ZNF107: variants seen among roughly 807,000 people sequenced by gnomAD.
The protein encoded by ZNF107 is zinc finger protein 107.
ZNF107 carries 19 observed loss-of-function variants against 12.3 expected under a neutral mutation model. The ratio of observed to expected loss-of-function variants is 1.55; its 90% CI spans 1.08 to 2.27. ZNF107 has a LOEUF of 2.27. Ranked by LOEUF, ZNF107 falls within the 30% of genes most tolerant of loss-of-function variation. The pLI is 0.00. For missense variants in ZNF107, 958 were observed against 979.9 expected (o/e 0.98, Z 0.30); for synonymous variants, 317 against 330.5 (o/e 0.96, Z 0.44).
chr7:64,686,068 T>G (rs1250417625), intron 1 of ZNF107, among the ~76,000 whole-genome samples: 1 of 151,974 alleles, frequency 6.6e-6, no homozygotes, highest in Non-Finnish European at 1.5e-5. Flanking sequence ...CCAAATAGAC[T>G]CCTTAGCAGC....
In ZNF107 at chr7:64,707,339, A is replaced by T. The variant is rs772301301; in HGVS notation, c.1242A>T (p.Arg414Ser). ...KVFNQFSTLT[R>S]HKIIHTGEKP... ...TTAACCAGTTCTCAACTCTTACTAG[A>T]CATAAGATAATTCATACTGGAGAGA... Residue 414 changes from arginine (R) to serine (S), a missense_variant, in exon 4 of 4, where the codon AGA (arginine) becomes AGT (serine). By Grantham distance (110) the Arg-to-Ser change is moderately radical. Coordinates refer to ENST00000620827, the MANE Select transcript of ZNF107 (RefSeq NM_001282359.2). The T allele has an allele frequency of 2.5e-6, 4 of 1,613,088 alleles. No homozygotes were observed. The highest frequency in any genetic ancestry group is 1.3e-5 in the African/African-American group (1 of 74,872).
intron 3 of ZNF107, among the ~76,000 whole-genome samples, chr7:64,699,253 C>G (rs915295831): frequency 3.9e-5 from 6 of 151,978 alleles, no homozygotes; most frequent in Admixed American, 3.9e-4. Flanking sequence ...ATATTGACAT[C>G]TTTTAAAAAT....
intron 1 of ZNF107, among the ~76,000 whole-genome samples, chr7:64,682,689 C>T (rs1262332360): frequency 2.0e-5 from 3 of 152,162 alleles, no homozygotes; most frequent in Non-Finnish European, 2.9e-5. Flanking sequence ...TGCCCTAATA[C>T]TCCTAGAATC....
rs1173674091 is a variant in ZNF107, at chr7:64,709,540, A to G, written c.*884A>G. On this transcript the variant is annotated 3_prime_UTR_variant, in exon 4 of 4. Transcript: ENST00000620827. ...ACTGGTGAAAAATCCTAGAAATGTG[A>G]AAAATATCACAAAGCCTTTAAATGG... is the stretch of plus-strand genomic sequence containing the variant. The G allele has an allele frequency of 2.7e-6, 1 of 371,192 alleles. No individual in the cohort carries two copies. The highest frequency in any genetic ancestry group is 5.2e-6 in the Non-Finnish European group (1 of 192,514). The allele number at this position is 371,192 out of a possible 1,614,324, so 23.0% of individuals were successfully genotyped here.
At chr7:64,671,824 C>G (rs539708313) in intron 1 of ZNF107, among the ~76,000 whole-genome samples, 5 of 148,230 alleles carry the variant, frequency 3.4e-5, no homozygotes, top group African/African-American at 1.2e-4. Flanking sequence ...CTCTGTTGCC[C>G]AGGCTGGAGT....
intron 1 of ZNF107, among the ~76,000 whole-genome samples, chr7:64,670,392 C>G (rs1789176209): frequency 6.6e-6 from 1 of 151,854 alleles, no homozygotes; most frequent in South Asian, 2.1e-4. Context: ...CTGAAGTCAT[C>G]AAGTCTTTAG....
chr7:64,667,756 T>TC (rs2128954609), intron 1 of ZNF107, among the ~76,000 whole-genome samples: 1 of 152,318 alleles, frequency 6.6e-6, no homozygotes, highest in East Asian at 1.9e-4. Context: ...GAGAGGAATC[T>TC]CCTGGTATAC....
rs927453358 is a variant in ZNF107 at position 64,708,347 on chromosome 7, A to C, written c.2250A>C (p.Ala750=). 1 of 1,613,384 alleles carries C rather than the reference A, an allele frequency of 6.2e-7. No homozygotes were observed. Among genetic ancestry groups the C allele is most frequent in the Non-Finnish European group, 8.5e-7 (1 of 1,179,784 alleles). The change falls in exon 4 of 4, where the codon GCA becomes GCC. Residue 750 remains alanine, a synonymous_variant. Transcript: ENST00000620827. ...KAFNLSSTLT[A]HKKIHTGEKP... is the part of the protein sequence containing the mutation. Reference sequence around the variant, plus strand: ...TTAACCTATCCTCAACCCTTACTGCACATAAGAAAATTCATACTGGAGAGA... The same window carrying C: ...TTAACCTATCCTCAACCCTTACTGCCCATAAGAAAATTCATACTGGAGAGA...
chr7:64,668,500 T>C (rs1464880210), intron 1 of ZNF107, among the ~76,000 whole-genome samples: 1 of 151,834 alleles, frequency 6.6e-6, no homozygotes, highest in East Asian at 1.9e-4. Context: ...TGTTTTCTAA[T>C]CAGCCCCGCC....
At chr7:64,667,410 C>T (rs1789044082) in intron 1 of ZNF107, among the ~76,000 whole-genome samples, 1 of 152,120 alleles carries the variant, frequency 6.6e-6, no homozygotes, top group South Asian at 2.1e-4. Flanking sequence ...AAAATAATCC[C>T]CTGACACTGT....
intron 3 of ZNF107, among the ~76,000 whole-genome samples, chr7:64,698,649 G>C (rs1342719106): frequency 5.3e-5 from 8 of 152,060 alleles, no homozygotes. Context: ...TTGAACTTCT[G>C]ACCTCAGGTG....
At chr7:64,705,940 A>G (rs1044669752) in intron 3 of ZNF107, among the ~76,000 whole-genome samples, 10 of 149,938 alleles carry the variant, frequency 6.7e-5, no homozygotes, top group Non-Finnish European at 1.2e-4. Flanking sequence ...ATAAAGATGT[A>G]TATGTTTGTT....
At chr7:64,696,616 C>T (rs886152437) in intron 3 of ZNF107, among the ~76,000 whole-genome samples, 8 of 151,734 alleles carry the variant, frequency 5.3e-5, no homozygotes, top group Admixed American at 1.3e-4. Flanking sequence ...ATTCAATACC[C>T]GTTAAGTAAC....
At chr7:64,691,410 C>T in intron 2 of ZNF107, 36 bp downstream of exon 2, 1 of 1,372,838 alleles carries the variant, frequency 7.3e-7, no homozygotes, top group Non-Finnish European at 9.5e-7. Flanking sequence ...CCCAAAATAC[C>T]CTTAAAGTTT....
intron 1 of ZNF107, chr7:64,687,446 G>A: frequency 5.1e-6 from 5 of 985,440 alleles, no homozygotes; most frequent in Non-Finnish European, 6.0e-6. Context: ...GTGGCAGTTG[G>A]GGTTATATAT....
In ZNF107 at chr7:64,708,963, A is replaced by C. The variant is rs191592147; in HGVS notation, c.*307A>C. On this transcript the variant is annotated 3_prime_UTR_variant, in exon 4 of 4. Transcript: ENST00000620827. ...AATTCATACTGGAGAAAAGCCATAC[A>C]AATGAGAAGAATGTGGCAATGCCTT... 1.7e-3 allele frequency: 847 copies of C among 489,698 alleles called. 8 individuals are homozygous for C. The Admixed American group carries it at 0.025, about 14-fold the overall frequency. The allele number at this position is 489,698 out of a possible 1,614,324, so 30.3% of individuals were successfully genotyped here.
Position 64,696,652 on chromosome 7 carries a change from G to A in ZNF107, c.226+4692G>A, listed in dbSNP as rs375823612. On this transcript the variant is annotated intron_variant, in intron 3 of 3. Coordinates refer to ENST00000620827, the MANE Select transcript of ZNF107 (RefSeq NM_001282359.2). The stretch of plus-strand genomic sequence containing the variant: ...AACTGCCCATTTTACCCCTTTTCCA[G>A]CTCTTGACAAACACCCTTCCACTTT... Among the ~76,000 whole-genome samples, 7 of 151,758 alleles carry A rather than the reference G, an allele frequency of 4.6e-5. 1 individual carries two copies. The highest frequency in any genetic ancestry group is 3.9e-4 in the East Asian group (2 of 5,172).
At chr7:64,672,713 C>G (rs779813459) in intron 1 of ZNF107, among the ~76,000 whole-genome samples, 1 of 152,086 alleles carries the variant, frequency 6.6e-6, no homozygotes, top group Non-Finnish European at 1.5e-5. Flanking sequence ...TTGGTTGATT[C>G]CGTATCTTTG....
intron 1 of ZNF107, among the ~76,000 whole-genome samples, chr7:64,672,749 A>G (rs1789281757): frequency 6.6e-6 from 1 of 152,244 alleles, no homozygotes; most frequent in African/African-American, 2.4e-5. Flanking sequence ...TGCAGTGAAC[A>G]TGCATGTGCA....
Sources: gnomAD v4.1 joint callset for allele counts (sites outside exome capture counted in the v4.1 genomes callset) on GRCh38, gnomAD v4.1.1 for gene constraint, MANE v1.5 for transcripts, NCBI Gene and HGNC (gene_info 2026-07-23, HGNC 2026-07-21) for gene names.